Variants in SYT1 observed in about 807,000 individuals in gnomAD.
SYT1 encodes synaptotagmin-1.
Under a neutral mutation model 44.8 loss-of-function variants are expected in SYT1, and 8 were observed. The observed-to-expected ratio is 0.18, with a 90% confidence interval of 0.10 to 0.32. The LOEUF (loss-of-function observed/expected upper bound fraction) is 0.32, where lower values mean the gene tolerates loss of function less well. Among genes scored for constraint, SYT1 ranks in the 10% least tolerant of loss-of-function variants. SYT1 has a pLI of 1.00. For synonymous variants in SYT1, 154 were observed against 188.8 expected, an observed-to-expected ratio of 0.82 and a Z score of 1.51; for missense variants, 286 against 509.3, an observed-to-expected ratio of 0.56 and a Z score of 4.22.
At chr12:79,260,806 T>TA (rs947885280) in intron 4 of SYT1, among the ~76,000 whole-genome samples, 1 of 22,882 alleles carries the variant, frequency 4.4e-5, no homozygotes, top group African/African-American at 9.8e-5. Flanking sequence ...AAATCTCATA[T>TA]TTTTTTTTTT....
chr12:79,214,066 G>A (rs1300428216), intron 3 of SYT1, among the ~76,000 whole-genome samples: 1 of 152,016 alleles, frequency 6.6e-6, no homozygotes, highest in Non-Finnish European at 1.5e-5. Context: ...ACTATTCTTA[G>A]GTTTGCTATT....
intron 3 of SYT1, among the ~76,000 whole-genome samples, chr12:79,076,866 G>A (rs1876693736): frequency 6.6e-6 from 1 of 152,140 alleles, no homozygotes. Flanking sequence ...CTATGCGAGA[G>A]GCTGAGGCAG....
chr12:79,137,315 C>T (rs762465457), intron 3 of SYT1, among the ~76,000 whole-genome samples: 8 of 152,086 alleles, frequency 5.3e-5, no homozygotes, highest in Non-Finnish European at 1.0e-4. Context: ...AAGCTGGTCT[C>T]GAACTCCTGG....
intron 3 of SYT1, among the ~76,000 whole-genome samples, chr12:79,194,977 A>G (rs1015940370): frequency 9.2e-5 from 14 of 152,192 alleles, no homozygotes; most frequent in African/African-American, 3.4e-4. Context: ...CTATTTTGCT[A>G]AACTTTAATA....
At chr12:79,392,633 T>C (rs960320362) in intron 9 of SYT1, 1 of 152,142 alleles carries the variant, frequency 6.6e-6, no homozygotes, top group Non-Finnish European at 1.5e-5. Context: ...CAAATGTTTA[T>C]GTCTGATGAC....
At chr12:79,219,939 C>G (rs1875053897) in intron 4 of SYT1, among the ~76,000 whole-genome samples, 1 of 151,942 alleles carries the variant, frequency 6.6e-6, no homozygotes, top group Non-Finnish European at 1.5e-5. Context: ...CAGGGCTTTT[C>G]TGGCTTTGTA....
chr12:79,172,658 A>G (rs947794982), intron 3 of SYT1, among the ~76,000 whole-genome samples: 6 of 151,842 alleles, frequency 4.0e-5, no homozygotes, highest in Non-Finnish European at 8.8e-5. Context: ...TGAGCTAAGA[A>G]AATCAGTCAC....
intron 1 of SYT1, among the ~76,000 whole-genome samples, chr12:78,948,569 C>T (rs915911645): frequency 2.0e-5 from 3 of 151,896 alleles, no homozygotes; most frequent in Non-Finnish European, 4.4e-5. Flanking sequence ...TTAATTTAGA[C>T]TTCACAGATA....
At chr12:79,303,717 T>A (rs752708779) in intron 8 of SYT1, among the ~76,000 whole-genome samples, 1 of 152,188 alleles carries the variant, frequency 6.6e-6, no homozygotes, top group Non-Finnish European at 1.5e-5. Context: ...AGAAAAAGAT[T>A]TACTTCACAG....
chr12:79,397,700 C>G (rs1884925829), intron 9 of SYT1, among the ~76,000 whole-genome samples: 1 of 152,194 alleles, frequency 6.6e-6, no homozygotes, highest in Non-Finnish European at 1.5e-5. Flanking sequence ...CTAAGTCTTA[C>G]AAATAATGGT....
intron 2 of SYT1, among the ~76,000 whole-genome samples, chr12:79,013,276 G>A (rs1014851605): frequency 1.3e-5 from 2 of 152,022 alleles, no homozygotes; most frequent in Non-Finnish European, 2.9e-5. Context: ...AGCATAGTAG[G>A]TATTTCATAA....
At chr12:79,381,640 G>C (rs1884227137) in intron 9 of SYT1, among the ~76,000 whole-genome samples, 1 of 152,210 alleles carries the variant, frequency 6.6e-6, no homozygotes, top group African/African-American at 2.4e-5. Flanking sequence ...TACACCTGTT[G>C]TCAGGCTAAA....
intron 1 of SYT1, among the ~76,000 whole-genome samples, chr12:78,927,746 G>A (rs1877384810): frequency 6.6e-6 from 1 of 152,044 alleles, no homozygotes; most frequent in South Asian, 2.1e-4. Flanking sequence ...TAAGGCTTCC[G>A]TTGCTACAGT....
rs200558402 is a variant in SYT1, at chr12:79,037,682, T to C, written c.-83-9615T>C. On this transcript the variant is annotated intron_variant, in intron 2 of 10. Coordinates refer to ENST00000261205, the MANE Select transcript of SYT1 (RefSeq NM_005639.3). ...ACAATCTTTTGGCCTTCTACCTTCATTTCCAAGAAAGTCCATATTCTGAAC... is the reference window on the plus strand; with the variant it reads ...ACAATCTTTTGGCCTTCTACCTTCACTTCCAAGAAAGTCCATATTCTGAAC... Among the ~76,000 whole-genome samples, 127 of 151,914 alleles carry C rather than the reference T, an allele frequency of 8.4e-4. 1 individual carries two copies. Among genetic ancestry groups the C allele is most frequent in the African/African-American group, 3.0e-3 (123 of 41,514 alleles).
intron 3 of SYT1, among the ~76,000 whole-genome samples, chr12:79,178,012 T>A (rs965268369): frequency 9.9e-5 from 15 of 151,530 alleles, no homozygotes; most frequent in Admixed American, 8.5e-4. Context: ...TTCACTCTGA[T>A]GGTAGTTTCT....
Position 79,179,346 on chromosome 12 carries a change from G to GTCTATATCAGATATAGATATATCGATATA in SYT1, c.-17-38149_-17-38148insAGATATAGATATATCGATATATCTATATC, listed in dbSNP as rs1565841879. 8.8e-3 allele frequency among the ~76,000 whole-genome samples: 76 copies of GTCTATATCAGATATAGATATATCGATATA among 8,662 alleles called. 6 individuals are homozygous for GTCTATATCAGATATAGATATATCGATATA. Among genetic ancestry groups the GTCTATATCAGATATAGATATATCGATATA allele is most frequent in the Admixed American group, 0.013 (7 of 550 alleles). 5.7% of individuals were successfully genotyped at this position (8,662 alleles called of 152,430 possible). The stretch of plus-strand genomic sequence containing the variant: ...GATATAGATATAGATATATCGATAT[G>GTCTATATCAGATATAGATATATCGATATA]TCTATATCGATATAGATATAGATAT... On this transcript the variant is annotated intron_variant, in intron 3 of 10. Transcript: ENST00000261205.
chr12:79,409,141 A>G (rs1759875763), intron 9 of SYT1, among the ~76,000 whole-genome samples: 1 of 152,194 alleles, frequency 6.6e-6, no homozygotes, highest in Non-Finnish European at 1.5e-5. Flanking sequence ...GTCCCTTGCT[A>G]TAATTCCAGA....
chr12:79,196,307 A>T (rs1284875187), intron 3 of SYT1, among the ~76,000 whole-genome samples: 1 of 152,036 alleles, frequency 6.6e-6, no homozygotes, highest in Non-Finnish European at 1.5e-5. Context: ...AGCTGGGACT[A>T]CAGGCACCTG....
At chr12:78,955,575 G>A (rs1183019965) in intron 1 of SYT1, 2 of 152,038 alleles carry the variant, frequency 1.3e-5, no homozygotes, top group Non-Finnish European at 2.9e-5. Context: ...GGGTAAGCAA[G>A]CTTCTTGGCC....
Sources: allele counts gnomAD v4.1 joint callset (sites outside exome capture counted in the v4.1 genomes callset), GRCh38; gene constraint gnomAD v4.1.1; transcripts MANE v1.5; gene names NCBI Gene and HGNC (gene_info 2026-07-23, HGNC 2026-07-21).